The following RSF1 variants were observed in gnomAD, a reference collection of about 807,000 sequenced individuals.
RSF1 encodes the protein remodeling and spacing factor 1, also known as HBV pX-associated protein 8.
In RSF1, 13 loss-of-function variants were observed where a neutral mutation model predicts 145.2. That is an observed-to-expected ratio of 0.09 (90% CI 0.06 to 0.14). RSF1 has a LOEUF of 0.14. RSF1 is among the 10% of genes least tolerant of loss of function. The pLI is 1.00. For missense variants in RSF1, 1,517 were observed against 1,718.2 expected (o/e 0.88, Z 2.07); for synonymous variants, 577 against 592.6 (o/e 0.97, Z 0.38).
chr11:77,745,361 T>C (rs1224642540), intron 3 of RSF1, among the ~76,000 whole-genome samples: 1 of 152,106 alleles, frequency 6.6e-6, no homozygotes, highest in African/African-American at 2.4e-5. Context: ...TAACATTAGG[T>C]TGTTATTTGA....
At chr11:77,705,424 A>C (rs1341319376) in intron 5 of RSF1, among the ~76,000 whole-genome samples, 1 of 152,204 alleles carries the variant, frequency 6.6e-6, no homozygotes, top group Non-Finnish European at 1.5e-5. Flanking sequence ...TTTATTGATC[A>C]CTTATTATGT....
At chr11:77,764,446 A>T in intron 2 of RSF1, 152 bp downstream of exon 2, 1 of 574,708 alleles carries the variant, frequency 1.7e-6, no homozygotes. Context: ...GCAAAAGAAG[A>T]GAATCACATA....
chr11:77,766,637 T>C (rs778019010), intron 1 of RSF1, among the ~76,000 whole-genome samples: 1 of 151,948 alleles, frequency 6.6e-6, no homozygotes, highest in Non-Finnish European at 1.5e-5. Context: ...AAACAACAGA[T>C]GCAAATAGCT....
chr11:77,677,294 G>T (rs1194481354), intron 12 of RSF1, among the ~76,000 whole-genome samples: 3 of 152,078 alleles, frequency 2.0e-5, no homozygotes, highest in Admixed American at 6.5e-5. Flanking sequence ...GACATTTTTA[G>T]TATAGTCACA....
At position 77,725,472 on chromosome 11, in the gene RSF1, T is replaced by C. The variant is rs190913895; in HGVS notation, c.733+73A>G. The C allele has an allele frequency of 5.7e-4, 662 of 1,154,302 alleles. 8 individuals are homozygous for C. In the African/African-American group the frequency reaches 9.9e-3, roughly 17 times the overall value. 71.5% of individuals were successfully genotyped at this position (1,154,302 alleles called of 1,614,324 possible). A position where few individuals can be genotyped will look rare whatever the true frequency, so the allele number is the denominator to read the frequency against. On this transcript the variant is annotated intron_variant, in intron 5 of 15. Transcript: ENST00000308488. The stretch of plus-strand genomic sequence containing the variant: ...ATTGAGATAGAAATTCAGAATTATA[T>C]AGTTGGGAAGAGGAGTGGAAGAATA...
the RSF1 span, chr11:77,872,139 TC>T: frequency 6.3e-7 from 1 of 1,596,060 alleles, no homozygotes; most frequent in Non-Finnish European, 8.5e-7. Flanking sequence ...GGGGGGCCTT[TC>T]CCCCTACTTA....
chr11:77,679,149 G>A (rs1959791495), intron 11 of RSF1, among the ~76,000 whole-genome samples: 2 of 152,300 alleles, frequency 1.3e-5, no homozygotes, highest in Admixed American at 1.3e-4. Context: ...AAAACTTTAT[G>A]AGCATTAAAA....
chr11:77,764,053 G>T (rs1332139038), intron 2 of RSF1: 1 of 152,464 alleles, frequency 6.6e-6, no homozygotes, highest in Non-Finnish European at 1.5e-5. Context: ...GCACAACCTA[G>T]ATCCTTCGCA....
the RSF1 span, among the ~76,000 whole-genome samples, chr11:77,871,227 T>C: frequency 1.3e-5 from 2 of 152,334 alleles, no homozygotes; most frequent in South Asian, 2.1e-4. Context: ...AATATTTCAC[T>C]TGAGTTCTTT....
intron 4 of RSF1, among the ~76,000 whole-genome samples, chr11:77,733,557 A>ATTTTTTTT (rs11353278): frequency 8.0e-6 from 1 of 124,294 alleles, no homozygotes; most frequent in Non-Finnish European, 1.7e-5. Flanking sequence ...TACATCTTTG[A>ATTTTTTTT]TTTTTTTTTT....
At chr11:77,856,242 A>T in the RSF1 span, among the ~76,000 whole-genome samples, 2 of 152,184 alleles carry the variant, frequency 1.3e-5, no homozygotes, top group Non-Finnish European at 2.9e-5. Context: ...AGCACAAGTA[A>T]CCTTTACACT....
rs945058820 is a variant in RSF1 at position 77,750,614 on chromosome 11, T to C, written c.280-3486A>G. ...AGCTGTGTCTATCAGAGACTGTCTATAACGGTGAATTCTTGGGTCCTGGAA... is the reference window on the plus strand; with the variant it reads ...AGCTGTGTCTATCAGAGACTGTCTACAACGGTGAATTCTTGGGTCCTGGAA... On this transcript the variant is annotated intron_variant, in intron 2 of 15. Coordinates refer to ENST00000308488, the MANE Select transcript of RSF1 (RefSeq NM_016578.4). 2.6e-5 allele frequency among the ~76,000 whole-genome samples: 4 copies of C among 152,226 alleles called. No homozygotes were observed. In the East Asian group the frequency reaches 7.7e-4, roughly 29 times the overall value.
chr11:77,741,140 A>C (rs962940399), intron 3 of RSF1, among the ~76,000 whole-genome samples: 1 of 152,178 alleles, frequency 6.6e-6, no homozygotes, highest in African/African-American at 2.4e-5. Flanking sequence ...TATTAACACC[A>C]TACCAATTTA....
intron 15 of RSF1, among the ~76,000 whole-genome samples, chr11:77,668,810 C>A (rs959930667): frequency 3.9e-5 from 6 of 152,042 alleles, no homozygotes; most frequent in African/African-American, 1.2e-4. Flanking sequence ...TTGATATCTG[C>A]GGGGATCCTG....
intron 1 of RSF1, chr11:77,813,699 C>T (rs368959253): frequency 8.1e-5 from 37 of 457,130 alleles, no homozygotes; most frequent in Non-Finnish European, 1.4e-4. Flanking sequence ...GCTTCCTGAC[C>T]GACTTGTTCC....
intron 14 of RSF1, 43 bp downstream of exon 14, chr11:77,674,993 A>C: frequency 3.4e-6 from 5 of 1,492,508 alleles, no homozygotes; most frequent in Non-Finnish European, 4.5e-6. Flanking sequence ...GAAAAACAAA[A>C]AATAATTTAT....
At chr11:77,834,935 TATCTC>T in the RSF1 span, among the ~76,000 whole-genome samples, 1 of 152,174 alleles carries the variant, frequency 6.6e-6, no homozygotes, top group Non-Finnish European at 1.5e-5. Context: ...AAATGAATAT[TATCTC>T]ATGAGCTAAA....
chr11:77,786,571 C>T (rs1948458835), intron 1 of RSF1, among the ~76,000 whole-genome samples: 1 of 152,024 alleles, frequency 6.6e-6, no homozygotes, highest in Non-Finnish European at 1.5e-5. Context: ...GTTTTAGTCA[C>T]AAGGTTTAGA....
At position 77,660,035 on chromosome 11, in the gene RSF1, A is replaced by G; in HGVS notation, c.*6882T>C. ...TCAAATTTAAATTTTTATTATGACA[A>G]TTGACATATTAAGTGAAAGAAATGA... On this transcript the variant is annotated 3_prime_UTR_variant, in exon 16 of 16. Transcript: ENST00000308488. 6.6e-6 allele frequency: 1 copy of G among 152,332 alleles called. No homozygotes were observed. The highest frequency in any genetic ancestry group is 2.1e-4 in the South Asian group (1 of 4,828). 9.4% of individuals were successfully genotyped at this position (152,332 alleles called of 1,614,324 possible).
Sources: gnomAD v4.1 joint callset for allele counts (sites outside exome capture counted in the v4.1 genomes callset) on GRCh38, gnomAD v4.1.1 for gene constraint, MANE v1.5 for transcripts, NCBI Gene and HGNC (gene_info 2026-07-23, HGNC 2026-07-21) for gene names.